Variants in CD109 observed in about 807,000 individuals in gnomAD.
CD109 encodes CD109 antigen.
Under a neutral mutation model 165.8 loss-of-function variants are expected in CD109, and 149 were observed. That is an observed-to-expected ratio of 0.90 (90% confidence interval 0.79 to 1.03). The LOEUF is 1.03. Ranked by LOEUF, CD109 falls within the 50% of genes least tolerant of loss-of-function variation. The pLI is 0.00. For synonymous variants in CD109, 585 were observed against 592.1 expected (o/e 0.99, Z 0.18); for missense variants, 1,712 against 1,677.8 (o/e 1.02, Z -0.36).
chr6:73,717,780 C>T (rs760080834), intron 2 of CD109, among the ~76,000 whole-genome samples: 4 of 151,626 alleles, frequency 2.6e-5, no homozygotes, highest in African/African-American at 4.8e-5. Flanking sequence ...CAACCACGCC[C>T]GGCTAATTTT....
At chr6:73,757,067 T>C (rs897191556) in intron 6 of CD109, among the ~76,000 whole-genome samples, 2 of 152,222 alleles carry the variant, frequency 1.3e-5, no homozygotes, top group African/African-American at 2.4e-5. Flanking sequence ...TAAATCCTCT[T>C]CTTGCAGGTG....
At chr6:73,720,525 AT>A (rs1303496096) in intron 2 of CD109, among the ~76,000 whole-genome samples, 4 of 152,186 alleles carry the variant, frequency 2.6e-5, no homozygotes, top group Non-Finnish European at 5.9e-5. Context: ...ACAAGTAGTT[AT>A]GTGAGGTAAG....
chr6:73,792,461 T>G (rs189645488), intron 22 of CD109, among the ~76,000 whole-genome samples, 165 bp from the exon 23 acceptor site: 1 of 152,326 alleles, frequency 6.6e-6, no homozygotes, highest in African/African-American at 2.4e-5. Flanking sequence ...TTTTGACCAG[T>G]CTTCCTAAAA....
intron 21 of CD109, among the ~76,000 whole-genome samples, 155 bp from the exon 22 acceptor site, chr6:73,788,302 TAAAATATCTAA>T (rs1774775542): frequency 6.6e-6 from 1 of 152,214 alleles, no homozygotes; most frequent in Admixed American, 6.5e-5. Flanking sequence ...CTTGTTTAAA[TAAAATATCTAA>T]TTTAAAGAAA....
upstream of CD109, among the ~76,000 whole-genome samples, chr6:73,691,829 A>G (rs544430632): frequency 6.6e-6 from 1 of 152,206 alleles, no homozygotes; most frequent in Admixed American, 6.5e-5. Flanking sequence ...ATTGCTATAA[A>G]GTAACACCTG....
chr6:73,749,509 C>T (rs1180449861), intron 5 of CD109, among the ~76,000 whole-genome samples: 3 of 151,928 alleles, frequency 2.0e-5, no homozygotes, highest in South Asian at 2.1e-4. Context: ...GTTTGTGGGC[C>T]GAGCTGTGGA....
At chr6:73,748,563 A>G (rs1028156292) in intron 5 of CD109, among the ~76,000 whole-genome samples, 2 of 152,320 alleles carry the variant, frequency 1.3e-5, no homozygotes, top group African/African-American at 4.8e-5. Flanking sequence ...TTGTATTCCC[A>G]TTACACCTGC....
chr6:73,781,671 AAATATTTTTG>A (rs1774505241), intron 17 of CD109, among the ~76,000 whole-genome samples: 5 of 57,530 alleles, frequency 8.7e-5, no homozygotes, highest in Admixed American at 1.9e-4. Context: ...CATATTTTTG[AAATATTTTTG>A]TACTCCAGCT....
chr6:73,680,573 A>G, the CD109 span, among the ~76,000 whole-genome samples: 7 of 152,202 alleles, frequency 4.6e-5, no homozygotes, highest in Non-Finnish European at 5.9e-5. Context: ...GCTTTGAGGC[A>G]ATGGTAGACT....
chr6:73,798,915 C>T (rs1319543932), intron 23 of CD109, among the ~76,000 whole-genome samples: 1 of 152,114 alleles, frequency 6.6e-6, no homozygotes, highest in African/African-American at 2.4e-5. Context: ...CACAAAAGTA[C>T]CTCAAACTTT....
intron 9 of CD109, among the ~76,000 whole-genome samples, chr6:73,763,243 A>T (rs1773703475): frequency 6.6e-6 from 1 of 152,234 alleles, no homozygotes; most frequent in Non-Finnish European, 1.5e-5. Context: ...TAATAAGAAA[A>T]TAAAGTTGAG....
chr6:73,734,387 GTTA>G (rs1772473409), intron 4 of CD109, among the ~76,000 whole-genome samples: 1 of 152,126 alleles, frequency 6.6e-6, no homozygotes, highest in South Asian at 2.1e-4. Flanking sequence ...AAGAATTATT[GTTA>G]TTATTATTTT....
chr6:73,802,223 A>G (rs1775380018), intron 23 of CD109, among the ~76,000 whole-genome samples: 1 of 146,156 alleles, frequency 6.8e-6, no homozygotes, highest in Non-Finnish European at 1.5e-5. Context: ...TACTTCTGTA[A>G]TGATACTTCA....
At chr6:73,759,098 T>C (rs1468663381) in intron 7 of CD109, 70 bp downstream of exon 7, 8 of 953,010 alleles carry the variant, frequency 8.4e-6, no homozygotes, top group Non-Finnish European at 6.6e-6. Flanking sequence ...GCTGATTGTA[T>C]ACTTCAGAAT....
chr6:73,766,983 C>T lies in CD109; in HGVS notation c.1470C>T (p.Asn490=). Reference sequence around the variant, plus strand: ...CTTTTGAGTTGGTGGTTAGTGGCAACAAACGATTGAAGGAGTTAAGCTATA... The same window carrying T: ...CTTTTGAGTTGGTGGTTAGTGGCAATAAACGATTGAAGGAGTTAAGCTATA... ...GSPFELVVSG[N]KRLKELSYMV... Residue 490 remains asparagine (N), a synonymous_variant, in exon 13 of 33, where the codon AAC becomes AAT. Transcript: ENST00000287097. 6.2e-7 allele frequency: 1 copy of T among 1,613,470 alleles called. No homozygotes were observed. Among genetic ancestry groups the T allele is most frequent in the Non-Finnish European group, 8.5e-7 (1 of 1,179,766 alleles).
intron 5 of CD109, among the ~76,000 whole-genome samples, chr6:73,739,166 A>G (rs2134016): frequency 0.3 from 44,902 of 152,146 alleles, 6,788 homozygotes; most frequent in Admixed American, 0.35. Flanking sequence ...TGTATATTCT[A>G]TAAAGCATCT....
rs1562016137 is a variant in CD109 at position 73,697,404 on chromosome 6, C to CT, written c.79_80insT (p.Arg27LeufsTer55). 6.2e-7 allele frequency: 1 copy of CT among 1,613,584 alleles called. No individual in the cohort carries two copies. The highest frequency in any genetic ancestry group is 8.5e-7 in the Non-Finnish European group (1 of 1,179,906). On this transcript the variant is annotated frameshift_variant, in exon 2 of 33. Coordinates refer to ENST00000287097, the MANE Select transcript of CD109 (RefSeq NM_133493.5). LOFTEE classifies it high-confidence loss of function. Reference sequence around the variant, plus strand: ...CCCTTGTTGGGAACTCTTTAGGCCTCGGTTTCTGGTGACAGCCCCAGGGAT... The same window carrying CT: ...CCCTTGTTGGGAACTCTTTAGGCCTCTGGTTTCTGGTGACAGCCCCAGGGAT...
chr6:73,679,311 G>C, the CD109 span, among the ~76,000 whole-genome samples: 1 of 152,088 alleles, frequency 6.6e-6, no homozygotes, highest in Non-Finnish European at 1.5e-5. Context: ...TGTCAGAACT[G>C]AGTCTAACAA....
At chr6:73,814,726 CCA>C (rs1414430796) in intron 29 of CD109, among the ~76,000 whole-genome samples, 2 of 152,210 alleles carry the variant, frequency 1.3e-5, no homozygotes, top group Non-Finnish European at 2.9e-5. Context: ...CAAATATCAC[CCA>C]TAGTGTTTTA....
Sources: gnomAD v4.1 joint callset for allele counts (sites outside exome capture counted in the v4.1 genomes callset) on GRCh38, gnomAD v4.1.1 for gene constraint, MANE v1.5 for transcripts, NCBI Gene and HGNC (gene_info 2026-07-23, HGNC 2026-07-21) for gene names.